ERBB3: variants seen among roughly 807,000 people sequenced by gnomAD.
ERBB3 encodes the protein receptor tyrosine-protein kinase erbB-3.
ERBB3 carries 96 observed loss-of-function variants against 156.7 expected under a neutral mutation model. The ratio of observed to expected loss-of-function variants is 0.61; its 90% CI spans 0.52 to 0.73. The LOEUF (loss-of-function observed/expected upper bound fraction) is 0.73, where lower values mean the gene tolerates loss of function less well. Among genes scored for constraint, ERBB3 ranks in the 30% least tolerant of loss-of-function variants. The probability of loss-of-function intolerance (pLI) is 0.00; values close to 1 mark genes in which losing one functional copy is unlikely to be tolerated. For synonymous variants in ERBB3, 567 were observed against 632.0 expected, an observed-to-expected ratio of 0.90 and a Z score of 1.54; for missense variants, 1,406 against 1,709.4, an observed-to-expected ratio of 0.82 and a Z score of 3.13.
chr12:56,090,600 C>T (rs1329418346), intron 9 of ERBB3, among the ~76,000 whole-genome samples: 1 of 151,940 alleles, frequency 6.6e-6, no homozygotes, highest in Non-Finnish European at 1.5e-5. Context: ...GCCGAGATCG[C>T]GGCACTGCAC....
intron 1 of ERBB3, among the ~76,000 whole-genome samples, chr12:56,082,642 C>T (rs926061723): frequency 2.0e-5 from 3 of 152,126 alleles, no homozygotes; most frequent in Non-Finnish European, 4.4e-5. Context: ...CCCCCTACTC[C>T]CCACCCCACA....
At chr12:56,087,969 G>A in intron 6 of ERBB3, 52 bp from the exon 7 acceptor site, 1 of 1,613,938 alleles carries the variant, frequency 6.2e-7, no homozygotes, top group East Asian at 2.2e-5. Context: ...CTTTGAGGAG[G>A]AGGTAGGGGT....
In ERBB3 at chr12:56,097,191, G is replaced by C. The variant is rs769586905; in HGVS notation, c.2421G>C (p.Gly807=). The part of the protein sequence containing the change: ...DHVRQHRGAL[G]PQLLLNWGVQ... The stretch of plus-strand genomic sequence containing the variant: ...TGAGACAACACCGGGGGGCACTGGG[G>C]CCACAGCTGCTGCTCAACTGGGGAG... The change falls in exon 20 of 28, where the codon GGG becomes GGC. Residue 807 remains glycine (G), a synonymous_variant. Coordinates refer to ENST00000267101, the MANE Select transcript of ERBB3 (RefSeq NM_001982.4). The C allele has an allele frequency of 1.2e-6, 2 of 1,614,174 alleles. No homozygotes were observed. The highest frequency in any genetic ancestry group is 1.1e-5 in the South Asian group (1 of 91,084).
chr12:56,084,373 G>A (rs1383955786), intron 2 of ERBB3, among the ~76,000 whole-genome samples: 1 of 152,190 alleles, frequency 6.6e-6, no homozygotes, highest in African/African-American at 2.4e-5. Context: ...CACTTTGGGA[G>A]GCCAAGGAAG....
At chr12:56,095,195 G>T (rs1868851207) in intron 15 of ERBB3, 62 bp from the exon 16 acceptor site, 1 of 1,228,332 alleles carries the variant, frequency 8.1e-7, no homozygotes, top group Non-Finnish European at 1.2e-6. Flanking sequence ...TATATGTTAG[G>T]CTGTTGAAAT....
At chr12:56,096,886 C>A in intron 19 of ERBB3, 40 bp downstream of exon 19, 1 of 1,369,738 alleles carries the variant, frequency 7.3e-7, no homozygotes, top group Non-Finnish European at 1.0e-6. Context: ...GGAGAGAGGA[C>A]AATATTAGAT....
At chr12:56,099,461 A>AT (rs1232584110) in intron 23 of ERBB3, among the ~76,000 whole-genome samples, 187 bp from the exon 24 acceptor site, 152 of 139,602 alleles carry the variant, frequency 1.1e-3, no homozygotes, top group African/African-American at 3.7e-3. Context: ...CGCCCAGCTA[A>AT]TTTTTTTTTG....
intron 23 of ERBB3, 54 bp from the exon 24 acceptor site, chr12:56,099,594 C>G (rs879274702): frequency 2.0e-6 from 3 of 1,504,188 alleles, no homozygotes; most frequent in South Asian, 1.1e-5. Flanking sequence ...CCACCGCGCC[C>G]GGCCATGGAA....
chr12:56,082,625 G>GT (rs1179139157), intron 1 of ERBB3, among the ~76,000 whole-genome samples: 2 of 152,108 alleles, frequency 1.3e-5, no homozygotes, highest in African/African-American at 4.8e-5. Flanking sequence ...GGAACAGGTG[G>GT]TATCTACCCC....
In ERBB3 at chr12:56,091,295, T is replaced by TATATAA. The variant is rs1868684029; in HGVS notation, c.1110-1451_1110-1450insTATAAA. Among the ~76,000 whole-genome samples, 3 of 63,746 alleles carry TATATAA rather than the reference T, an allele frequency of 4.7e-5. No individual in the cohort carries two copies. The South Asian group carries it at 1.1e-3, about 24-fold the overall frequency. The allele number at this position is 63,746 out of a possible 152,430, so 41.8% of individuals were successfully genotyped here. On this transcript the variant is annotated intron_variant, in intron 9 of 27. Transcript: ENST00000267101. Reference sequence around the variant, plus strand: ...ATATATATATATATATATATATATATAAATAATATATATAAATATAAATAT... The same window carrying TATATAA: ...ATATATATATATATATATATATATATATATAAAAATAATATATATAAATATAAATAT...
Position 56,102,401 on chromosome 12 carries a change from C to G in ERBB3, c.*346C>G, listed in dbSNP as rs964091202. 3.2e-6 allele frequency: 1 copy of G among 309,130 alleles called. No homozygotes were observed. Among genetic ancestry groups the G allele is most frequent in the Non-Finnish European group, 6.1e-6 (1 of 164,676 alleles). The allele number at this position is 309,130 out of a possible 1,614,324, so 19.1% of individuals were successfully genotyped here. ...GCTCTTGACTACTTGGAACTAGGCT[C>G]TTATGTGTGCCTTTGTTTCCCATCA... On this transcript the variant is annotated 3_prime_UTR_variant, in exon 28 of 28. Coordinates refer to ENST00000267101, the MANE Select transcript of ERBB3 (RefSeq NM_001982.4).
In ERBB3 at chr12:56,095,651, T is replaced by C. The variant is rs1487627059; in HGVS notation, c.1914-14T>C. On this transcript the variant is annotated splice_polypyrimidine_tract_variant and intron_variant, in intron 16 of 27. Coordinates refer to ENST00000267101, the MANE Select transcript of ERBB3 (RefSeq NM_001982.4). ...CAAACCCAGGATAATGTTGGGTTTC[T>C]ATATATCCCATAGCAAAACCCATCT... The C allele has an allele frequency of 6.2e-7, 1 of 1,614,064 alleles. No individual in the cohort carries two copies.
chr12:56,098,131 G>A (rs1868951441), intron 21 of ERBB3, 191 bp downstream of exon 21: 9 of 641,912 alleles, frequency 1.4e-5, no homozygotes, highest in East Asian at 2.8e-5. Flanking sequence ...CTGGCCGGGC[G>A]CGGTGGCTCA....
intron 1 of ERBB3, among the ~76,000 whole-genome samples, chr12:56,081,744 A>T (rs1459084231): frequency 6.6e-6 from 1 of 151,778 alleles, no homozygotes; most frequent in Non-Finnish European, 1.5e-5. Context: ...GCCCTGTCTC[A>T]GTCCTTCTAT....
At chr12:56,091,759 T>C (rs1868721368) in intron 9 of ERBB3, among the ~76,000 whole-genome samples, 1 of 152,190 alleles carries the variant, frequency 6.6e-6, no homozygotes, top group African/African-American at 2.4e-5. Flanking sequence ...GTGATATCTG[T>C]CAGGTTTTTC....
In ERBB3 at chr12:56,102,135, C is replaced by G; in HGVS notation, c.*80C>G. On this transcript the variant is annotated 3_prime_UTR_variant, in exon 28 of 28. Transcript: ENST00000267101. The stretch of plus-strand genomic sequence containing the variant: ...GGGTACCGTCTTCTCCCTATTCCCT[C>G]TCTCTCCCAGGTCCCAGCCCCTTTT... The G allele has an allele frequency of 3.1e-6, 4 of 1,280,306 alleles. No homozygotes were observed. The highest frequency in any genetic ancestry group is 2.1e-4 in the Middle Eastern group (1 of 4,878). The allele number at this position is 1,280,306 out of a possible 1,614,324, so 79.3% of individuals were successfully genotyped here. A position where few individuals can be genotyped will look rare whatever the true frequency, so the allele number is the denominator to read the frequency against.
At position 56,102,206 on chromosome 12, in the gene ERBB3, A is replaced by G. The variant is rs768694587; in HGVS notation, c.*151A>G. 7 of 725,728 alleles carry G rather than the reference A, an allele frequency of 9.6e-6. No homozygotes were observed. The highest frequency in any genetic ancestry group is 1.6e-5 in the Non-Finnish European group (7 of 426,470). The allele number at this position is 725,728 out of a possible 1,614,324, so 45.0% of individuals were successfully genotyped here. A position where few individuals can be genotyped will look rare whatever the true frequency, so the allele number is the denominator to read the frequency against. On this transcript the variant is annotated 3_prime_UTR_variant, in exon 28 of 28. Coordinates refer to ENST00000267101, the MANE Select transcript of ERBB3 (RefSeq NM_001982.4). ...ATTCAATCTTTGGAGGCTTTTAAAC[A>G]TTTTGACACAAAATTCTTATGGTAT...
At chr12:56,080,788 C>G (rs1280256659) in intron 1 of ERBB3, among the ~76,000 whole-genome samples, 1 of 152,178 alleles carries the variant, frequency 6.6e-6, no homozygotes, top group Admixed American at 6.5e-5. Flanking sequence ...CCACCCGCGC[C>G]GATTTCAGCT....
rs1182292847 is a variant in ERBB3 at position 56,095,745 on chromosome 12, A to G, written c.1994A>G (p.Tyr665Cys). Residue 665 changes from tyrosine to cysteine, a missense_variant, in exon 17 of 28, where the codon TAC (tyrosine) becomes TGC (cysteine). Tyr to Cys is a radical substitution (Grantham distance 194). This residue lies in a region of ERBB3 where 979 missense variants were observed against 1,219.6 expected (regional missense o/e 0.80). Transcript: ENST00000267101. ...IFMMLGGTFL[Y>C]WRGRRIQNKR... ...ATGATGCTGGGCGGCACTTTTCTCTACTGGCGTGGGCGCCGGATTCAGAAT... is the reference window on the plus strand; with the variant it reads ...ATGATGCTGGGCGGCACTTTTCTCTGCTGGCGTGGGCGCCGGATTCAGAAT... 6.2e-7 allele frequency: 1 copy of G among 1,614,154 alleles called. No individual in the cohort carries two copies. The highest frequency in any genetic ancestry group is 1.7e-5 in the Admixed American group (1 of 60,016).
Sources: allele counts gnomAD v4.1 joint callset (sites outside exome capture counted in the v4.1 genomes callset), GRCh38; gene constraint gnomAD v4.1.1; regional missense constraint gnomAD v4.1.1; transcripts MANE v1.5; gene names NCBI Gene and HGNC (gene_info 2026-07-23, HGNC 2026-07-21).